The following CDH9 variants were observed in gnomAD, a reference collection of about 807,000 sequenced individuals.
The protein encoded by CDH9 is cadherin-9.
A neutral mutation model predicts 70.9 loss-of-function variants in CDH9; 28 were observed. The observed-to-expected ratio is 0.40, with a 90% confidence interval of 0.29 to 0.54. The LOEUF (loss-of-function observed/expected upper bound fraction) is 0.54. Among genes scored for constraint, CDH9 ranks in the 20% least tolerant of loss-of-function variants. The pLI is 0.59. For missense variants in CDH9, 874 were observed against 984.4 expected (o/e 0.89, Z 1.50); for synonymous variants, 409 against 343.1 (o/e 1.19, Z -2.12).
At chr5:27,017,433 T>TA (rs1743064546) in intron 1 of CDH9, among the ~76,000 whole-genome samples, 1 of 37,886 alleles carries the variant, frequency 2.6e-5, no homozygotes, top group African/African-American at 2.4e-4. Flanking sequence ...TCCACTGAAA[T>TA]TTTTTTTGGG....
At chr5:26,938,779 A>G (rs1044896338) in intron 2 of CDH9, among the ~76,000 whole-genome samples, 14 of 152,244 alleles carry the variant, frequency 9.2e-5, no homozygotes, top group African/African-American at 3.4e-4. Context: ...ATTAAAAAAT[A>G]AAACACTGAT....
At chr5:27,037,795 A>G (rs921687096) in intron 1 of CDH9, among the ~76,000 whole-genome samples, 6 of 152,004 alleles carry the variant, frequency 3.9e-5, no homozygotes, top group Non-Finnish European at 8.8e-5. Flanking sequence ...GCCTACAATA[A>G]TAGAAAGCAA....
At chr5:26,955,606 G>C (rs75272761) in intron 2 of CDH9, among the ~76,000 whole-genome samples, 35 of 137,600 alleles carry the variant, frequency 2.5e-4, no homozygotes, top group African/African-American at 8.7e-4. Flanking sequence ...CTCTCTCTCT[G>C]TGTGTGTTTC....
In CDH9 at chr5:26,889,821, A is replaced by G; in HGVS notation, c.1512+15T>C. 1 of 1,499,562 alleles carries G rather than the reference A, an allele frequency of 6.7e-7. No homozygotes were observed. Among genetic ancestry groups the G allele is most frequent in the Non-Finnish European group, 9.2e-7 (1 of 1,085,482 alleles). 92.9% of individuals were successfully genotyped at this position (1,499,562 alleles called of 1,614,324 possible). ...AGAAAATATATTCTTTTAAGTTTTTAATGATTTTATTTACCTGCCCAGGTT... is the reference window on the plus strand; with the variant it reads ...AGAAAATATATTCTTTTAAGTTTTTGATGATTTTATTTACCTGCCCAGGTT... On this transcript the variant is annotated intron_variant, in intron 9 of 11. Coordinates refer to ENST00000231021, the MANE Select transcript of CDH9 (RefSeq NM_016279.4).
intron 1 of CDH9, among the ~76,000 whole-genome samples, chr5:27,027,579 C>G (rs1743240745): frequency 6.6e-6 from 1 of 152,026 alleles, no homozygotes; most frequent in Non-Finnish European, 1.5e-5. Context: ...AAGACTTTCT[C>G]AAACTCACAC....
intron 11 of CDH9, among the ~76,000 whole-genome samples, chr5:26,883,041 TTATATATATATA>T (rs59145200): frequency 0.063 from 3,630 of 58,002 alleles, 388 homozygotes; most frequent in Middle Eastern, 0.15. Context: ...CAGGATCATC[TTATATATATATA>T]TATATATATA....
intron 1 of CDH9, among the ~76,000 whole-genome samples, chr5:27,002,796 C>G (rs1742793905): frequency 6.6e-6 from 1 of 151,966 alleles, no homozygotes; most frequent in Non-Finnish European, 1.5e-5. Flanking sequence ...GGAGGGATAG[C>G]ATTAGGAGAT....
At chr5:26,909,468 T>G (rs1353115355) in intron 3 of CDH9, among the ~76,000 whole-genome samples, 1 of 151,346 alleles carries the variant, frequency 6.6e-6, no homozygotes, top group Non-Finnish European at 1.5e-5. Context: ...TAGTGAAACT[T>G]GAATGACAAA....
At chr5:26,885,526 G>C in intron 11 of CDH9, 88 bp downstream of exon 11, 1 of 1,055,728 alleles carries the variant, frequency 9.5e-7, no homozygotes, top group African/African-American at 1.6e-5. Flanking sequence ...TTTATCTATA[G>C]AGAAAATTGT....
intron 2 of CDH9, among the ~76,000 whole-genome samples, chr5:26,924,124 A>C (rs982080694): frequency 6.6e-6 from 1 of 152,098 alleles, no homozygotes; most frequent in African/African-American, 2.4e-5. Context: ...GTTTGTTGAA[A>C]AGAGAAACAA....
intron 2 of CDH9, among the ~76,000 whole-genome samples, chr5:26,978,794 G>A (rs920556125): frequency 4.9e-4 from 74 of 151,618 alleles, no homozygotes; most frequent in African/African-American, 1.7e-3. Flanking sequence ...AAGAATAACC[G>A]CTAACTTTTG....
At chr5:26,973,096 T>C (rs1310426723) in intron 2 of CDH9, among the ~76,000 whole-genome samples, 1 of 152,096 alleles carries the variant, frequency 6.6e-6, no homozygotes, top group African/African-American at 2.4e-5. Context: ...ACTCCTGACC[T>C]CGTGATCTGC....
chr5:27,035,675 CGTGTGTGTGTGTGTGT>C (rs56317555), intron 1 of CDH9, among the ~76,000 whole-genome samples: 73 of 142,878 alleles, frequency 5.1e-4, no homozygotes, highest in African/African-American at 1.8e-3. Flanking sequence ...TTGCTATTGA[CGTGTGTGTGTGTGTGT>C]GTGTGTGTGT....
chr5:26,949,546 G>C (rs1362235067), intron 2 of CDH9, among the ~76,000 whole-genome samples: 1 of 152,192 alleles, frequency 6.6e-6, no homozygotes, highest in African/African-American at 2.4e-5. Context: ...AGTTGTAGGA[G>C]AAACTTCAGG....
chr5:26,976,686 A>C (rs913428294), intron 2 of CDH9, among the ~76,000 whole-genome samples: 1 of 151,950 alleles, frequency 6.6e-6, no homozygotes, highest in African/African-American at 2.4e-5. Context: ...GTAGCCTTCT[A>C]ATTTTTATGC....
intron 3 of CDH9, among the ~76,000 whole-genome samples, chr5:26,913,474 A>G (rs757402019): frequency 6.6e-6 from 1 of 152,218 alleles, no homozygotes; most frequent in Admixed American, 6.5e-5. Context: ...CCAGAGCCAT[A>G]CATCTGCCTG....
chr5:27,031,768 T>C (rs970112592), intron 1 of CDH9, among the ~76,000 whole-genome samples: 27 of 152,044 alleles, frequency 1.8e-4, no homozygotes, highest in Admixed American at 1.4e-3. Flanking sequence ...GTGACTGTGC[T>C]ACTGAGTCTG....
intron 1 of CDH9, among the ~76,000 whole-genome samples, chr5:26,990,636 A>G (rs1304552776): frequency 1.3e-5 from 2 of 152,174 alleles, no homozygotes; most frequent in Non-Finnish European, 2.9e-5. Context: ...AGTAACACTT[A>G]GTGGTCACTG....
chr5:26,958,725 G>T (rs1366669823), intron 2 of CDH9, among the ~76,000 whole-genome samples: 8 of 152,086 alleles, frequency 5.3e-5, no homozygotes, highest in African/African-American at 1.9e-4. Flanking sequence ...TTATGTAAAA[G>T]AATTCACTGT....
Sources: gnomAD v4.1 joint callset for allele counts (sites outside exome capture counted in the v4.1 genomes callset) on GRCh38, gnomAD v4.1.1 for gene constraint, MANE v1.5 for transcripts, NCBI Gene and HGNC (gene_info 2026-07-23, HGNC 2026-07-21) for gene names.